NYAP2: variants seen among roughly 807,000 people sequenced by gnomAD.
NYAP2 encodes neuronal tyrosine-phosphorylated phosphoinositide-3-kinase adapter 2.
Under a neutral mutation model 50.4 loss-of-function variants are expected in NYAP2, and 23 were observed. That is an observed-to-expected ratio of 0.46 (90% CI 0.33 to 0.65). The LOEUF (loss-of-function observed/expected upper bound fraction) is 0.65. Among genes scored for constraint, NYAP2 ranks in the 30% least tolerant of loss-of-function variants. The probability of loss-of-function intolerance (pLI) is 0.02; values close to 1 mark genes in which losing one functional copy is unlikely to be tolerated. For synonymous variants in NYAP2, 394 were observed against 365.2 expected (o/e 1.08, Z -0.90); for missense variants, 885 against 861.0 (o/e 1.03, Z -0.35).
At chr2:225,560,706 A>T (rs1200156099) in intron 4 of NYAP2, among the ~76,000 whole-genome samples, 1 of 152,076 alleles carries the variant, frequency 6.6e-6, no homozygotes, top group Non-Finnish European at 1.5e-5. Context: ...GATATTTGTG[A>T]TGTGCTCAGA....
chr2:225,432,953 C>A (rs953489121), intron 3 of NYAP2, among the ~76,000 whole-genome samples: 2 of 152,146 alleles, frequency 1.3e-5, no homozygotes, highest in Admixed American at 6.5e-5. Flanking sequence ...TGTACACTTC[C>A]CTTTCACTCA....
chr2:225,513,229 T>G, intron 3 of NYAP2, 142 bp from the exon 4 acceptor site: 1 of 737,896 alleles, frequency 1.4e-6, no homozygotes, highest in Non-Finnish European at 2.2e-6. Flanking sequence ...TCATGCTACT[T>G]GAGTTTGTTT....
chr2:225,645,086 C>T (rs906743771), intron 6 of NYAP2, among the ~76,000 whole-genome samples: 20 of 151,958 alleles, frequency 1.3e-4, no homozygotes, highest in Admixed American at 9.2e-4. Flanking sequence ...ATGGTGAAAC[C>T]CTGTCTCTGC....
intron 3 of NYAP2, among the ~76,000 whole-genome samples, chr2:225,431,240 C>G (rs1490920442): frequency 6.6e-6 from 1 of 152,212 alleles, no homozygotes; most frequent in Admixed American, 6.5e-5. Flanking sequence ...CCACTTGGAT[C>G]AAATACATCA....
At chr2:225,442,168 C>T (rs763333075) in intron 3 of NYAP2, among the ~76,000 whole-genome samples, 11 of 152,086 alleles carry the variant, frequency 7.2e-5, no homozygotes, top group Non-Finnish European at 1.2e-4. Flanking sequence ...TCAAATAATC[C>T]GTATTTGTTC....
intron 4 of NYAP2, among the ~76,000 whole-genome samples, chr2:225,553,942 C>T (rs1691726596): frequency 6.6e-6 from 1 of 152,162 alleles, no homozygotes; most frequent in South Asian, 2.1e-4. Flanking sequence ...ATCGCTTGAA[C>T]TCGGGAAGCA....
At chr2:225,500,087 G>A (rs1690579335) in intron 3 of NYAP2, among the ~76,000 whole-genome samples, 1 of 152,174 alleles carries the variant, frequency 6.6e-6, no homozygotes, top group Non-Finnish European at 1.5e-5. Flanking sequence ...AAAAAATATA[G>A]TTAATGATGT....
chr2:225,503,857 CT>C (rs146169500), intron 3 of NYAP2, among the ~76,000 whole-genome samples: 5,287 of 151,454 alleles, frequency 0.035, 302 homozygotes, highest in African/African-American at 0.12. Flanking sequence ...ATAATTATAG[CT>C]TTTTTTTTCT....
chr2:225,534,913 G>A (rs369543014), intron 4 of NYAP2, among the ~76,000 whole-genome samples: 1 of 152,174 alleles, frequency 6.6e-6, no homozygotes, highest in East Asian at 1.9e-4. Flanking sequence ...TTGCGTCATC[G>A]GAGCCAGAGA....
intron 2 of NYAP2, among the ~76,000 whole-genome samples, chr2:225,405,312 G>A (rs1694920969): frequency 1.3e-5 from 2 of 151,950 alleles, no homozygotes. Flanking sequence ...GATGCTACCT[G>A]GAGGAGAGGG....
At chr2:225,567,112 C>A (rs1279723897) in intron 4 of NYAP2, among the ~76,000 whole-genome samples, 2 of 152,100 alleles carry the variant, frequency 1.3e-5, no homozygotes, top group African/African-American at 2.4e-5. Flanking sequence ...TCCTAGGCTA[C>A]AAACCTGTAT....
chr2:225,438,393 C>T (rs145705980), intron 3 of NYAP2, among the ~76,000 whole-genome samples: 6 of 152,344 alleles, frequency 3.9e-5, no homozygotes, highest in Admixed American at 1.3e-4. Context: ...ACACATCCTG[C>T]CATTCATCAC....
chr2:225,436,628 A>T (rs990564087), intron 3 of NYAP2, among the ~76,000 whole-genome samples: 2 of 152,018 alleles, frequency 1.3e-5, no homozygotes, highest in African/African-American at 4.8e-5. Flanking sequence ...TTAAGACTTC[A>T]ACATATTAAT....
At chr2:225,589,671 G>C (rs964490549) in intron 5 of NYAP2, among the ~76,000 whole-genome samples, 10 of 151,236 alleles carry the variant, frequency 6.6e-5, no homozygotes, top group Non-Finnish European at 1.2e-4. Context: ...CTCCAGACTG[G>C]GTAACAGAGC....
chr2:225,615,673 T>C (rs146432409), intron 5 of NYAP2, among the ~76,000 whole-genome samples: 4 of 152,292 alleles, frequency 2.6e-5, no homozygotes. Context: ...ACTTTCCTGG[T>C]CACCATGACC....
At chr2:225,625,376 A>G (rs1297421406) in intron 5 of NYAP2, among the ~76,000 whole-genome samples, 1 of 152,210 alleles carries the variant, frequency 6.6e-6, no homozygotes, top group Non-Finnish European at 1.5e-5. Context: ...TTAAAAACGC[A>G]AAACAAACAA....
At chr2:225,480,897 A>G (rs957708494) in intron 3 of NYAP2, among the ~76,000 whole-genome samples, 6 of 152,132 alleles carry the variant, frequency 3.9e-5, no homozygotes, top group African/African-American at 1.4e-4. Context: ...ATATTTTCAG[A>G]ATTAACTATC....
intron 2 of NYAP2, among the ~76,000 whole-genome samples, chr2:225,404,902 C>A (rs945399917): frequency 6.6e-6 from 1 of 151,798 alleles, no homozygotes; most frequent in African/African-American, 2.4e-5. Flanking sequence ...ATAGGAAATC[C>A]GATGTTGGTG....
At chr2:225,684,874 A>G in the NYAP2 span, among the ~76,000 whole-genome samples, 1 of 152,074 alleles carries the variant, frequency 6.6e-6, no homozygotes, top group East Asian at 1.9e-4. Flanking sequence ...TTTATACAAA[A>G]CACAACTGTG....
Sources: allele counts gnomAD v4.1 joint callset (sites outside exome capture counted in the v4.1 genomes callset), GRCh38; gene constraint gnomAD v4.1.1; transcripts MANE v1.5; gene names NCBI Gene and HGNC (gene_info 2026-07-23, HGNC 2026-07-21).